HECW1: variants seen among roughly 807,000 people sequenced by gnomAD.
HECW1 encodes E3 ubiquitin-protein ligase HECW1.
In HECW1, 61 loss-of-function variants were observed where a neutral mutation model predicts 182.3. The observed-to-expected ratio is 0.33, with a 90% confidence interval of 0.27 to 0.41. The LOEUF (loss-of-function observed/expected upper bound fraction) is 0.41, where lower values mean the gene tolerates loss of function less well. HECW1 is among the 10% of genes least tolerant of loss of function. HECW1 has a pLI of 1.00. For synonymous variants in HECW1, 859 were observed against 832.6 expected (o/e 1.03, Z -0.55); for missense variants, 1,739 against 2,108.9 (o/e 0.82, Z 3.44).
At chr7:43,149,160 G>T (rs555652125) in intron 2 of HECW1, among the ~76,000 whole-genome samples, 1 of 152,126 alleles carries the variant, frequency 6.6e-6, no homozygotes, top group African/African-American at 2.4e-5. Context: ...CCTTAAATAC[G>T]TATTGATTAC....
At chr7:43,455,691 C>G (rs955926789) in intron 12 of HECW1, among the ~76,000 whole-genome samples, 1 of 151,720 alleles carries the variant, frequency 6.6e-6, no homozygotes, top group Non-Finnish European at 1.5e-5. Flanking sequence ...TTTTTGTATT[C>G]GTCACACCAT....
Position 43,165,355 on chromosome 7 carries a change from T to C in HECW1, c.-32+50964T>C, listed in dbSNP as rs182404491. 1.0e-3 allele frequency among the ~76,000 whole-genome samples: 156 copies of C among 150,110 alleles called. 1 individual carries two copies. Among genetic ancestry groups the C allele is most frequent in the African/African-American group, 3.7e-3 (149 of 40,670 alleles). ...CACTGTGTATGAATTATGTTACATA[T>C]CATGAGGTTAGAAAATAATGCAAAG... is the stretch of plus-strand genomic sequence containing the variant. On this transcript the variant is annotated intron_variant, in intron 2 of 29. Transcript: ENST00000395891.
At chr7:43,246,470 C>A (rs1224280353) in intron 3 of HECW1, among the ~76,000 whole-genome samples, 1 of 152,140 alleles carries the variant, frequency 6.6e-6, no homozygotes, top group African/African-American at 2.4e-5. Context: ...CATCGCAAAC[C>A]ACCAAGTCTA....
At chr7:43,157,331 T>C (rs1789994418) in intron 2 of HECW1, among the ~76,000 whole-genome samples, 1 of 152,238 alleles carries the variant, frequency 6.6e-6, no homozygotes, top group Non-Finnish European at 1.5e-5. Context: ...ATCAGTAGAT[T>C]CATTCCTCTG....
chr7:43,411,801 G>A (rs1393506759), intron 8 of HECW1, among the ~76,000 whole-genome samples: 2 of 152,062 alleles, frequency 1.3e-5, no homozygotes, highest in Non-Finnish European at 1.5e-5. Flanking sequence ...TATGTTTAGT[G>A]TTTGTTCCAT....
chr7:43,361,815 CTT>C (rs397890047), intron 6 of HECW1, among the ~76,000 whole-genome samples: 11,733 of 77,800 alleles, frequency 0.15, 1,117 homozygotes, highest in Middle Eastern at 0.26. Context: ...AAGACTCTCT[CTT>C]TTTTTTTTTT....
chr7:43,152,444 G>A (rs943557209), intron 2 of HECW1, among the ~76,000 whole-genome samples: 1 of 152,234 alleles, frequency 6.6e-6, no homozygotes, highest in Non-Finnish European at 1.5e-5. Context: ...AGTTTCAAAT[G>A]GTTTTTTAAA....
chr7:43,416,983 G>A (rs1427246129), intron 8 of HECW1, among the ~76,000 whole-genome samples: 7 of 152,160 alleles, frequency 4.6e-5, no homozygotes, highest in Non-Finnish European at 7.4e-5. Context: ...GAAATCACCC[G>A]TCTTCTGCGT....
intron 11 of HECW1, among the ~76,000 whole-genome samples, chr7:43,448,736 G>C (rs1327892962): frequency 6.6e-6 from 1 of 152,142 alleles, no homozygotes. Context: ...AAATCACTTT[G>C]CTTCAAATAA....
At chr7:43,508,628 G>T in intron 23 of HECW1, 1 of 308,714 alleles carries the variant, frequency 3.2e-6, no homozygotes, top group Admixed American at 4.7e-5. Flanking sequence ...ACTGTTGCAG[G>T]AAATTCTTTT....
intron 24 of HECW1, 122 bp downstream of exon 24, chr7:43,509,243 G>T (rs1467826605): frequency 5.6e-6 from 5 of 890,078 alleles, no homozygotes; most frequent in Non-Finnish European, 3.4e-6. Flanking sequence ...TGAGGGATGA[G>T]AGTGAATGAC....
intron 3 of HECW1, among the ~76,000 whole-genome samples, chr7:43,250,129 ACACACG>A (rs1799870662): frequency 9.9e-6 from 1 of 101,112 alleles, no homozygotes; most frequent in African/African-American, 2.7e-5. Flanking sequence ...ACACACACAC[ACACACG>A]CGCACACACA....
intron 3 of HECW1, among the ~76,000 whole-genome samples, chr7:43,278,479 C>T (rs148588096): frequency 0.013 from 1,934 of 152,232 alleles, 30 homozygotes; most frequent in South Asian, 0.071. Context: ...CCATGCGGCC[C>T]GTTCTCATCA....
intron 5 of HECW1, among the ~76,000 whole-genome samples, chr7:43,326,148 G>T (rs1291093160): frequency 4.6e-5 from 7 of 152,200 alleles, no homozygotes; most frequent in Non-Finnish European, 1.0e-4. Flanking sequence ...CAAAGGGGCT[G>T]GGGTGCCCCT....
chr7:43,258,602 A>G (rs1421006997), intron 3 of HECW1: 7 of 152,188 alleles, frequency 4.6e-5, no homozygotes, highest in Admixed American at 2.0e-4. Context: ...AATATAGACA[A>G]CCAGGACAGA....
intron 17 of HECW1, among the ~76,000 whole-genome samples, chr7:43,488,962 A>G (rs181457677): frequency 1.3e-5 from 2 of 152,304 alleles, no homozygotes; most frequent in East Asian, 1.9e-4. Flanking sequence ...AAGTTTTTCA[A>G]TCTGGCTCAG....
intron 2 of HECW1, chr7:43,239,128 G>A (rs1484530450): frequency 1.3e-5 from 2 of 152,164 alleles, no homozygotes; most frequent in Non-Finnish European, 2.9e-5. Context: ...CCACGTTTTT[G>A]GCCTGCTATC....
intron 24 of HECW1, among the ~76,000 whole-genome samples, chr7:43,532,286 G>A (rs977844311): frequency 6.6e-6 from 1 of 151,996 alleles, no homozygotes; most frequent in Non-Finnish European, 1.5e-5. Context: ...ACCACCCCCA[G>A]TATAAGCCAC....
At chr7:43,285,862 T>C (rs923075333) in intron 3 of HECW1, among the ~76,000 whole-genome samples, 1 of 152,186 alleles carries the variant, frequency 6.6e-6, no homozygotes, top group Non-Finnish European at 1.5e-5. Context: ...GTGAGCTAGA[T>C]AGCAAGCTAA....
Sources: allele counts gnomAD v4.1 joint callset (sites outside exome capture counted in the v4.1 genomes callset), GRCh38; gene constraint gnomAD v4.1.1; transcripts MANE v1.5; gene names NCBI Gene and HGNC (gene_info 2026-07-23, HGNC 2026-07-21).